Variants in DYRK1B observed in about 807,000 individuals in gnomAD.
DYRK1B encodes dual specificity tyrosine phosphorylation regulated kinase 1B.
In DYRK1B, 20 loss-of-function variants were observed where a neutral mutation model predicts 57.1. That is an observed-to-expected ratio of 0.35 (90% CI 0.25 to 0.51). The LOEUF (loss-of-function observed/expected upper bound fraction) is 0.51, where lower values mean the gene tolerates loss of function less well. DYRK1B is among the 20% of genes least tolerant of loss of function. The pLI is 0.96. For synonymous variants in DYRK1B, 409 were observed against 384.7 expected, an observed-to-expected ratio of 1.06 and a Z score of -0.74; for missense variants, 732 against 886.3, an observed-to-expected ratio of 0.83 and a Z score of 2.21.
rs1173720736 is a variant in DYRK1B at position 39,828,876 on chromosome 19, C to T, written c.521-293G>A. On this transcript the variant is annotated intron_variant, in intron 5 of 10. Transcript: ENST00000323039. This position sits in a 1 kb window ranked among gnomAD's most constrained non-coding sequence, Gnocchi z 4.3. ...TAATTTCATAACACTGCTTTCATCT[C>T]CCTTGTATTCATTTTTGTGGCAAAG... Among the ~76,000 whole-genome samples, 3 of 152,228 alleles carry T rather than the reference C, an allele frequency of 2.0e-5. No individual in the cohort carries two copies. The highest frequency in any genetic ancestry group is 7.2e-5 in the African/African-American group (3 of 41,460).
At chr19:39,830,873 G>A (rs1968780233) in intron 2 of DYRK1B, 90 bp from the exon 3 acceptor site, 1 of 1,436,232 alleles carries the variant, frequency 7.0e-7, no homozygotes. Flanking sequence ...GGCACATCAT[G>A]TATTTGGTTG....
chr19:39,827,507 C>T lies in DYRK1B; in HGVS notation c.954+3G>A. On this transcript the variant is annotated splice_donor_region_variant and intron_variant, in intron 7 of 10. Coordinates refer to ENST00000323039, the MANE Select transcript of DYRK1B (RefSeq NM_004714.3). Reference sequence around the variant, plus strand: ...TCCAGCACACCCCTTCCTGGGGGCACACCTCATTGGAGCCACTGAAGAGGG... The same window carrying T: ...TCCAGCACACCCCTTCCTGGGGGCATACCTCATTGGAGCCACTGAAGAGGG... 1.2e-6 allele frequency: 2 copies of T among 1,613,548 alleles called. No individual in the cohort carries two copies. Among genetic ancestry groups the T allele is most frequent in the South Asian group, 1.1e-5 (1 of 91,070 alleles).
chr19:39,833,442 C>CA (rs1968924104), intron 1 of DYRK1B: 1 of 730,940 alleles, frequency 1.4e-6, no homozygotes, highest in Non-Finnish European at 1.7e-6. Flanking sequence ...CGGTGGGTGA[C>CA]AACAGCAGCC....
At position 39,825,622 on chromosome 19, in the gene DYRK1B, A is replaced by C. The variant is rs1017281459; in HGVS notation, c.*93T>G. 3 of 1,358,290 alleles carry C rather than the reference A, an allele frequency of 2.2e-6. No individual in the cohort carries two copies. The East Asian group carries it at 7.5e-5, about 34-fold the overall frequency. 84.1% of individuals were successfully genotyped at this position (1,358,290 alleles called of 1,614,324 possible). Reference sequence around the variant, plus strand: ...CACCCACCCCAGCTGGGTAGCAGCAATTCCAGTCAAGGAGAGAGATGAGGA... The same window carrying C: ...CACCCACCCCAGCTGGGTAGCAGCACTTCCAGTCAAGGAGAGAGATGAGGA... On this transcript the variant is annotated 3_prime_UTR_variant, in exon 11 of 11. Coordinates refer to ENST00000323039, the MANE Select transcript of DYRK1B (RefSeq NM_004714.3).
rs529074049 is a variant in DYRK1B, at chr19:39,826,798, C to T, written c.1285G>A (p.Gly429Ser). ...TCGTCGGCCGTGCGGCGGAAGAAGC[C>T]GTGCTGCAGAGCCCCCAGGGGGCTG... ...RISPLGALQH[G>S]FFRRTADEAT... The change falls in exon 9 of 11, where the codon GGC (glycine) becomes AGC (serine). Residue 429 changes from glycine to serine, a missense_variant. Gly to Ser is a moderately conservative substitution (Grantham distance 56). Around this residue, in one of 2 missense-constraint regions of DYRK1B, gnomAD observed 510 missense variants for 681.3 expected, o/e 0.75. Coordinates refer to ENST00000323039, the MANE Select transcript of DYRK1B (RefSeq NM_004714.3). The surrounding 1 kb of genome is among the most constrained non-coding windows in gnomAD (Gnocchi z 6.3). 3.0e-4 allele frequency: 455 copies of T among 1,540,196 alleles called. 2 individuals carry two copies. In the South Asian group the frequency reaches 4.0e-3, roughly 14 times the overall value.
Position 39,826,194 on chromosome 19 carries a change from T to C in DYRK1B, c.1504A>G (p.Met502Val), listed in dbSNP as rs1286732968. 6.3e-7 allele frequency: 1 copy of C among 1,578,334 alleles called. No homozygotes were observed. The highest frequency in any genetic ancestry group is 1.2e-5 in the South Asian group (1 of 85,498). ...GPGPPITDCE[M>V]NSPQVPPSQP... ...AGCCCCATTACCTGGGGGCTGTTCA[T>C]CTCACAGTCTGTGATAGGGGGCCCA... Residue 502 changes from methionine to valine, a missense_variant, in exon 10 of 11, where the codon ATG (methionine) becomes GTG (valine). Coordinates refer to ENST00000323039, the MANE Select transcript of DYRK1B (RefSeq NM_004714.3). The surrounding 1 kb of genome is among the most constrained non-coding windows in gnomAD (Gnocchi z 6.3).
chr19:39,825,671 G>C lies in DYRK1B; in HGVS notation c.*44C>G. ...GATGGGAGCCCAGGGCCCCCAGATG[G>C]GGGAGGGTATGGCTTCAGGAGGGGC... On this transcript the variant is annotated 3_prime_UTR_variant, in exon 11 of 11. Transcript: ENST00000323039. 6.6e-7 allele frequency: 1 copy of C among 1,523,248 alleles called. No individual in the cohort carries two copies. The highest frequency in any genetic ancestry group is 8.8e-7 in the Non-Finnish European group (1 of 1,134,180). The allele number at this position is 1,523,248 out of a possible 1,614,324, so 94.4% of individuals were successfully genotyped here. A position where few individuals can be genotyped will look rare whatever the true frequency, so the allele number is the denominator to read the frequency against.
intron 1 of DYRK1B, chr19:39,833,433 G>T: frequency 1.2e-6 from 1 of 839,790 alleles, no homozygotes; most frequent in Non-Finnish European, 1.4e-6. Context: ...CAGGAGGCCC[G>T]GTGGGTGACA....
intron 1 of DYRK1B, among the ~76,000 whole-genome samples, chr19:39,832,230 G>A (rs1968854353): frequency 6.6e-6 from 1 of 152,050 alleles, no homozygotes; most frequent in South Asian, 2.1e-4. Flanking sequence ...CAATGATTGG[G>A]GGCCAAGCAG....
At chr19:39,833,790 G>C (rs1599651010) in intron 1 of DYRK1B, among the ~76,000 whole-genome samples, 3 of 152,290 alleles carry the variant, frequency 2.0e-5, no homozygotes, top group South Asian at 4.1e-4. Context: ...CAAAGGGCGG[G>C]AGTGGGGCCC....
At position 39,826,991 on chromosome 19, in the gene DYRK1B, G is replaced by A; in HGVS notation, c.1096-4C>T. ...GTGTCCCGGGGCCCTGGTAATCCTG[G>A]CAGGGAGGGGGTGGGAGGGGGGGCA... On this transcript the variant is annotated splice_region_variant and splice_polypyrimidine_tract_variant and intron_variant, in intron 8 of 10. Transcript: ENST00000323039. This position sits in a 1 kb window ranked among gnomAD's most constrained non-coding sequence, Gnocchi z 6.3. 1 of 1,435,942 alleles carries A rather than the reference G, an allele frequency of 7.0e-7. No homozygotes were observed. The allele number at this position is 1,435,942 out of a possible 1,614,324, so 89.0% of individuals were successfully genotyped here.
rs1968600448 is a variant in DYRK1B at position 39,827,544 on chromosome 19, T to C, written c.920A>G (p.His307Arg). The C allele has an allele frequency of 6.2e-7, 1 of 1,613,878 alleles. No individual in the cohort carries two copies. Among genetic ancestry groups the C allele is most frequent in the Admixed American group, 1.7e-5 (1 of 59,996 alleles). ...GCCACTGAAGAGGGGCTCTCCGGTGTGCATCTCCACAAGGATGCAGCCCAG... is the reference window on the plus strand; with the variant it reads ...GCCACTGAAGAGGGGCTCTCCGGTGCGCATCTCCACAAGGATGCAGCCCAG... The part of the protein sequence containing the change: ...WSLGCILVEM[H>R]TGEPLFSGSN... Residue 307 changes from histidine to arginine, a missense_variant, in exon 7 of 11, where the codon CAC becomes CGC. This residue lies in a region of DYRK1B where 510 missense variants were observed against 681.3 expected (regional missense o/e 0.75). Transcript: ENST00000323039.
intron 1 of DYRK1B, chr19:39,833,471 G>T: frequency 2.4e-6 from 1 of 409,904 alleles, no homozygotes; most frequent in Non-Finnish European, 3.3e-6. Flanking sequence ...CACCGGGGGC[G>T]GGGAGAGGAG....
rs764480067 is a variant in DYRK1B, at chr19:39,832,862, AAGG to A, written c.-101-897_-101-895del. On this transcript the variant is annotated intron_variant, in intron 1 of 10. Coordinates refer to ENST00000323039, the MANE Select transcript of DYRK1B (RefSeq NM_004714.3). The stretch of plus-strand genomic sequence containing the variant: ...CAAGGCCCACTCCTCCTGATGGGAG[AAGG>A]AGGAGGTGTCTCTTCCCACAGTTTA... 1.7e-4 allele frequency: 156 copies of A among 938,878 alleles called. No individual in the cohort carries two copies. In the African/African-American group the frequency reaches 2.5e-3, roughly 15 times the overall value. 58.2% of individuals were successfully genotyped at this position (938,878 alleles called of 1,614,324 possible).
intron 8 of DYRK1B, 122 bp downstream of exon 8, chr19:39,827,163 G>T: frequency 1.5e-6 from 2 of 1,344,066 alleles, no homozygotes; most frequent in South Asian, 1.5e-5. Flanking sequence ...AGGAAGGAAA[G>T]GACAGACAAG....
intron 6 of DYRK1B, 46 bp from the exon 7 acceptor site, chr19:39,827,702 C>T (rs199635245): frequency 1.1e-5 from 17 of 1,590,322 alleles, no homozygotes; most frequent in Middle Eastern, 3.4e-4. Context: ...CCCTACTGGT[C>T]CCACTGACAC....
chr19:39,830,559 T>C lies in DYRK1B; in HGVS notation c.188A>G (p.Tyr63Cys). ...GGCCCGCCGCTTCTTCTTCGCATAG[T>C]ATACCTGCCCAGCCAGCCAGCCAGG... ...IKTYKHINEV[Y>C]YAKKKRRAQQ... Residue 63 changes from tyrosine to cysteine, a missense_variant, in exon 4 of 11, where the codon TAC (tyrosine) becomes TGC (cysteine). Around this residue, in one of 2 missense-constraint regions of DYRK1B, gnomAD observed 510 missense variants for 681.3 expected, o/e 0.75. Coordinates refer to ENST00000323039, the MANE Select transcript of DYRK1B (RefSeq NM_004714.3). 1 of 1,614,136 alleles carries C rather than the reference T, an allele frequency of 6.2e-7. No homozygotes were observed. Among genetic ancestry groups the C allele is most frequent in the Non-Finnish European group, 8.5e-7 (1 of 1,180,020 alleles).
Position 39,826,400 on chromosome 19 carries a change from G to T in DYRK1B, c.1412-114C>A. 1.1e-6 allele frequency: 1 copy of T among 941,326 alleles called. No homozygotes were observed. 58.3% of individuals were successfully genotyped at this position (941,326 alleles called of 1,614,324 possible). On this transcript the variant is annotated intron_variant, in intron 9 of 10. Coordinates refer to ENST00000323039, the MANE Select transcript of DYRK1B (RefSeq NM_004714.3). This position sits in a 1 kb window ranked among gnomAD's most constrained non-coding sequence, Gnocchi z 6.3. ...CCAGGCTCAGGTTCAGGCTTCAAGAGCAGAGCCCATCTGAAGCACCGGGCC... is the reference window on the plus strand; with the variant it reads ...CCAGGCTCAGGTTCAGGCTTCAAGATCAGAGCCCATCTGAAGCACCGGGCC...
chr19:39,829,127 G>C (rs1968685125), intron 5 of DYRK1B, among the ~76,000 whole-genome samples: 2 of 151,960 alleles, frequency 1.3e-5, no homozygotes, highest in South Asian at 4.2e-4. Context: ...TCATGCAAGT[G>C]ACAGCACTTG....
Sources: gnomAD v4.1 joint callset for allele counts (sites outside exome capture counted in the v4.1 genomes callset) on GRCh38, gnomAD v4.1.1 for gene constraint, gnomAD v4.1.1 regional missense constraint, Gnocchi (gnomAD v3.1) non-coding constraint, MANE v1.5 for transcripts, NCBI Gene and HGNC (gene_info 2026-07-23, HGNC 2026-07-21) for gene names.